CALN1: variants seen among roughly 807,000 people sequenced by gnomAD.
The protein encoded by CALN1 is calcium-binding protein 8.
In CALN1, 17 loss-of-function variants were observed where a neutral mutation model predicts 30.6. The observed-to-expected ratio is 0.56, with a 90% CI of 0.38 to 0.83. CALN1 has a LOEUF of 0.83. CALN1 is among the 40% of genes least tolerant of loss of function. CALN1 has a pLI of 0.00. For synonymous variants in CALN1, 156 were observed against 131.4 expected, an observed-to-expected ratio of 1.19 and a Z score of -1.28; for missense variants, 291 against 354.9, an observed-to-expected ratio of 0.82 and a Z score of 1.45.
At chr7:71,868,644 T>A (rs2116716590) in intron 5 of CALN1, among the ~76,000 whole-genome samples, 2 of 152,068 alleles carry the variant, frequency 1.3e-5, no homozygotes, top group South Asian at 4.2e-4. Flanking sequence ...AGTGCTGGGA[T>A]AAGAACTCAT....
chr7:72,134,299 C>T (rs1321027208), intron 3 of CALN1, among the ~76,000 whole-genome samples: 1 of 152,190 alleles, frequency 6.6e-6, no homozygotes. Context: ...TTATAAATTA[C>T]CCAGTAATCC....
At chr7:72,406,155 C>T (rs1042536463) in intron 1 of CALN1, among the ~76,000 whole-genome samples, 1 of 152,208 alleles carries the variant, frequency 6.6e-6, no homozygotes, top group Non-Finnish European at 1.5e-5. Context: ...TAGCCAGAAG[C>T]CGTCTCTCCA....
chr7:71,905,204 G>A (rs1240905271), intron 5 of CALN1, among the ~76,000 whole-genome samples: 1 of 152,112 alleles, frequency 6.6e-6, no homozygotes, highest in African/African-American at 2.4e-5. Flanking sequence ...TTCCCAAAGT[G>A]CTAGGATTAC....
the CALN1 span, among the ~76,000 whole-genome samples, chr7:72,462,178 G>GTATT: frequency 1.1e-3 from 165 of 150,412 alleles, 1 homozygote; most frequent in East Asian, 3.5e-3. Flanking sequence ...ATGTATGTAT[G>GTATT]TATTTATTTA....
chr7:72,293,646 A>T (rs530640438), intron 2 of CALN1, among the ~76,000 whole-genome samples: 1 of 152,280 alleles, frequency 6.6e-6, no homozygotes, highest in South Asian at 2.1e-4. Context: ...CAGCAAAGTG[A>T]CACGTTTGGT....
chr7:72,343,525 T>C (rs1162583038), intron 2 of CALN1, among the ~76,000 whole-genome samples: 1 of 147,762 alleles, frequency 6.8e-6, no homozygotes, highest in Non-Finnish European at 1.5e-5. Context: ...CCAGCATGGG[T>C]GACAGAGCGA....
At chr7:72,110,740 T>C (rs860009) in intron 3 of CALN1, among the ~76,000 whole-genome samples, 1,548 of 151,660 alleles carry the variant, frequency 0.01, 26 homozygotes, top group African/African-American at 0.036. Flanking sequence ...GGAGAGTTAA[T>C]GTTTCTAGGG....
intron 2 of CALN1, among the ~76,000 whole-genome samples, chr7:72,315,868 G>T (rs750981243): frequency 6.6e-6 from 1 of 151,954 alleles, no homozygotes; most frequent in Non-Finnish European, 1.5e-5. Context: ...GAATTTCTCC[G>T]GCCGGGCGCG....
At chr7:72,096,092 A>AAGATAGAT (rs71531789) in intron 4 of CALN1, among the ~76,000 whole-genome samples, 1 of 121,668 alleles carries the variant, frequency 8.2e-6, no homozygotes, top group African/African-American at 3.0e-5. Context: ...TAGATAGATA[A>AAGATAGAT]AGATAGATAG....
intron 3 of CALN1, among the ~76,000 whole-genome samples, chr7:72,237,870 T>C (rs1364078589): frequency 6.6e-6 from 1 of 152,196 alleles, no homozygotes; most frequent in East Asian, 1.9e-4. Flanking sequence ...CCAGAAATGT[T>C]ACCATGGAAA....
chr7:71,894,965 T>C (rs182776139), intron 5 of CALN1, among the ~76,000 whole-genome samples: 1 of 152,244 alleles, frequency 6.6e-6, no homozygotes, highest in East Asian at 1.9e-4. Context: ...TTTCATTTTC[T>C]TTTTTTGGAG....
At chr7:72,471,496 G>A in the CALN1 span, among the ~76,000 whole-genome samples, 4 of 152,220 alleles carry the variant, frequency 2.6e-5, no homozygotes, top group African/African-American at 4.8e-5. Context: ...CTCTGTGCTG[G>A]TGCTGGAAGC....
intron 6 of CALN1, among the ~76,000 whole-genome samples, chr7:71,799,124 G>C (rs1787148262): frequency 6.6e-6 from 1 of 152,168 alleles, no homozygotes; most frequent in African/African-American, 2.4e-5. Context: ...GCTAGGGACT[G>C]GTTAGCCTTG....
intron 2 of CALN1, among the ~76,000 whole-genome samples, chr7:72,364,087 T>C (rs1175618205): frequency 6.6e-6 from 1 of 151,856 alleles, no homozygotes; most frequent in East Asian, 1.9e-4. Flanking sequence ...TACTTTACTA[T>C]AATGGAGAAA....
chr7:72,045,428 G>A (rs1351711589), intron 4 of CALN1, among the ~76,000 whole-genome samples: 1 of 152,156 alleles, frequency 6.6e-6, no homozygotes, highest in African/African-American at 2.4e-5. Flanking sequence ...TTGAATTGCA[G>A]GAACAACCCC....
Position 72,302,515 on chromosome 7 carries a change from G to A in CALN1, c.120-23705C>T, listed in dbSNP as rs1395860481. Among the ~76,000 whole-genome samples, 3 of 152,092 alleles carry A rather than the reference G, an allele frequency of 2.0e-5. No homozygotes were observed. In the East Asian group the frequency reaches 5.8e-4, roughly 29 times the overall value. On this transcript the variant is annotated intron_variant, in intron 2 of 6. Transcript: ENST00000395275. ...GAAAGTTTACAATTTGGCTGGGCGT[G>A]GTGGCTCAGGCCCATCATCCCAGTA... is the stretch of plus-strand genomic sequence containing the variant.
chr7:72,240,177 C>A (rs1794736363), intron 3 of CALN1, among the ~76,000 whole-genome samples: 1 of 149,864 alleles, frequency 6.7e-6, no homozygotes, highest in East Asian at 2.0e-4. Flanking sequence ...GTTCTCGAAA[C>A]ACTTGGGGAA....
At chr7:72,352,771 A>G (rs924130477) in intron 2 of CALN1, among the ~76,000 whole-genome samples, 6 of 152,132 alleles carry the variant, frequency 3.9e-5, no homozygotes, top group Non-Finnish European at 7.3e-5. Flanking sequence ...GAAAGAAAAT[A>G]GAAGAAAGGA....
At chr7:72,077,520 C>T (rs926850648) in intron 4 of CALN1, among the ~76,000 whole-genome samples, 4 of 152,132 alleles carry the variant, frequency 2.6e-5, no homozygotes, top group South Asian at 4.1e-4. Flanking sequence ...GTGATCTGCC[C>T]GCCTCGGCCT....
Sources: gnomAD v4.1 joint callset for allele counts (sites outside exome capture counted in the v4.1 genomes callset) on GRCh38, gnomAD v4.1.1 for gene constraint, MANE v1.5 for transcripts, NCBI Gene and HGNC (gene_info 2026-07-23, HGNC 2026-07-21) for gene names.